Variants in SALL4 observed in about 807,000 individuals in gnomAD.
The protein encoded by SALL4 is spalt like transcription factor 4.
In SALL4, 4 loss-of-function variants were observed where a neutral mutation model predicts 60.8. That is an observed-to-expected ratio of 0.07 (90% CI 0.03 to 0.15). SALL4 has a LOEUF of 0.15. Ranked by LOEUF, SALL4 falls within the 10% of genes least tolerant of loss-of-function variation. The pLI, the probability that SALL4 is intolerant of heterozygous loss-of-function variation, is 1.00. For synonymous variants in SALL4, 580 were observed against 574.9 expected, an observed-to-expected ratio of 1.01 and a Z score of -0.13; for missense variants, 1,178 against 1,394.7, an observed-to-expected ratio of 0.84 and a Z score of 2.48.
chr20:51,802,212 G>T, intron 1 of SALL4, 67 bp downstream of exon 1: 1 of 1,507,938 alleles, frequency 6.6e-7, no homozygotes, highest in Non-Finnish European at 8.8e-7. Context: ...CGAAGCCTGC[G>T]CCCTCGAGGA....
At position 51,788,830 on chromosome 20, in the gene SALL4, C is replaced by G. The variant is rs1366852889; in HGVS notation, c.2742+31G>C. On this transcript the variant is annotated intron_variant, in intron 3 of 3. Transcript: ENST00000217086. This position sits in a 1 kb window ranked among gnomAD's most constrained non-coding sequence, Gnocchi z 4.1. ...ATAAGAAGACACCTGGTGCCTAGCC[C>G]CCATCCTGCTGAAAGCCCACACAAA... 1 of 1,612,346 alleles carries G rather than the reference C, an allele frequency of 6.2e-7. No homozygotes were observed. Among genetic ancestry groups the G allele is most frequent in the East Asian group, 2.2e-5 (1 of 44,884 alleles).
chr20:51,796,763 G>A (rs36050705), intron 1 of SALL4, among the ~76,000 whole-genome samples: 7 of 152,160 alleles, frequency 4.6e-5, no homozygotes, highest in East Asian at 1.9e-4. Context: ...CTTCTAGAGC[G>A]GAGTTTCTCC....
chr20:51,790,656 C>T lies in SALL4; in HGVS notation c.1827G>A (p.Leu609=). ...TTCGGTGAACCCCAAGGTGTGTCTT[C>T]AGGTTACCTTTGGTAGAAAAGGCTC... The part of the protein sequence containing the change: ...CGRAFSTKGN[L]KTHLGVHRTN... The change falls in exon 2 of 4, where the codon CTG becomes CTA. Residue 609 remains leucine (L), a synonymous_variant. Transcript: ENST00000217086. The surrounding 1 kb of genome is among the most constrained non-coding windows in gnomAD (Gnocchi z 5.5). 6.2e-7 allele frequency: 1 copy of T among 1,614,140 alleles called. No individual in the cohort carries two copies. The highest frequency in any genetic ancestry group is 1.1e-5 in the South Asian group (1 of 91,088).
chr20:51,793,542 C>T (rs1409137648), intron 1 of SALL4, among the ~76,000 whole-genome samples: 2 of 152,126 alleles, frequency 1.3e-5, no homozygotes, highest in African/African-American at 2.4e-5. Context: ...CTGTAACCTC[C>T]GCCTCCTGGA....
At chr20:51,796,470 C>A (rs755082148) in intron 1 of SALL4, among the ~76,000 whole-genome samples, 1 of 152,190 alleles carries the variant, frequency 6.6e-6, no homozygotes, top group Non-Finnish European at 1.5e-5. Flanking sequence ...TTGTTTTAAG[C>A]TCATCAGCTA....
At position 51,801,649 on chromosome 20, in the gene SALL4, T is replaced by G. The variant is rs2078110562; in HGVS notation, c.130+630A>C. On this transcript the variant is annotated intron_variant, in intron 1 of 3. Transcript: ENST00000217086. The surrounding 1 kb of genome is among the most constrained non-coding windows in gnomAD (Gnocchi z 5.2). ...AATTTTAAAGGGAAACATTGAGCCC[T>G]CCTCCCCCACCTCTCTGGGCCCTCC... is the stretch of plus-strand genomic sequence containing the variant. The G allele has an allele frequency of 6.6e-6, 1 of 152,442 alleles. No individual in the cohort carries two copies. The highest frequency in any genetic ancestry group is 2.1e-4 in the South Asian group (1 of 4,828). The allele number at this position is 152,442 out of a possible 1,614,324, so 9.4% of individuals were successfully genotyped here.
At position 51,791,389 on chromosome 20, in the gene SALL4, T is replaced by G; in HGVS notation, c.1094A>C (p.Asn365Thr). 1 of 1,614,218 alleles carries G rather than the reference T, an allele frequency of 6.2e-7. No homozygotes were observed. Residue 365 changes from asparagine to threonine, a missense_variant, in exon 2 of 4, where the codon AAC (asparagine) becomes ACC (threonine). By Grantham distance (65) the Asn-to-Thr change is moderately conservative. Coordinates refer to ENST00000217086, the MANE Select transcript of SALL4 (RefSeq NM_020436.5). The surrounding 1 kb of genome is among the most constrained non-coding windows in gnomAD (Gnocchi z 4.6). ...GGGTTTGACATCCACCGCGGAGATG[T>G]TCGGTGGCTTCCCCTTCCCTTTCTT... is the stretch of plus-strand genomic sequence containing the variant. ...TSKKGKGKPPNISAVDVKPKD... is the reference protein window; with the variant it reads ...TSKKGKGKPPTISAVDVKPKD...
In SALL4 at chr20:51,791,041, G is replaced by T; in HGVS notation, c.1442C>A (p.Thr481Asn). 2 of 1,614,170 alleles carry T rather than the reference G, an allele frequency of 1.2e-6. No homozygotes were observed. The highest frequency in any genetic ancestry group is 1.7e-6 in the Non-Finnish European group (2 of 1,180,030). ...AAGATTCTGAGGTAGCCCTACAGAG[G>T]TGGTTACAAGGACAGGTTTGCTGTC... ...SLDSKPVLVTTSVGLPQNLSS... is the reference protein window; with the variant it reads ...SLDSKPVLVTNSVGLPQNLSS... Residue 481 changes from threonine (T) to asparagine (N), a missense_variant, in exon 2 of 4, where the codon ACC (threonine) becomes AAC (asparagine). Coordinates refer to ENST00000217086, the MANE Select transcript of SALL4 (RefSeq NM_020436.5). The surrounding 1 kb of genome is among the most constrained non-coding windows in gnomAD (Gnocchi z 4.6).
intron 1 of SALL4, among the ~76,000 whole-genome samples, chr20:51,795,934 C>T (rs1472893314): frequency 2.0e-5 from 3 of 152,128 alleles, no homozygotes; most frequent in African/African-American, 7.2e-5. Flanking sequence ...GTGGCTCACA[C>T]CTGTAATCCC....
intron 1 of SALL4, among the ~76,000 whole-genome samples, chr20:51,793,509 T>C (rs2078062288): frequency 6.6e-6 from 1 of 151,818 alleles, no homozygotes; most frequent in South Asian, 2.1e-4. Flanking sequence ...AGGGCTGGAG[T>C]GCAGTGGCCC....
rs1330650182 is a variant in SALL4 at position 51,802,302 on chromosome 20, G to C, written c.107C>G (p.Ala36Gly). ...ACCCAGCTCCCCCGCCGCGGGCGCC[G>C]CTGGGGCCGCATCTGCAAACTCCGG... The part of the protein sequence containing the change: ...QTPEFADAAP[A>G]APAAGELGAP... Residue 36 changes from alanine to glycine, a missense_variant, in exon 1 of 4, where the codon GCG becomes GGG. Physicochemically the swap from Ala to Gly is moderately conservative, Grantham distance 60. This residue lies in a region of SALL4 where 108 missense variants were observed against 95.7 expected (regional missense o/e 1.13). Coordinates refer to ENST00000217086, the MANE Select transcript of SALL4 (RefSeq NM_020436.5). 1 of 1,607,676 alleles carries C rather than the reference G, an allele frequency of 6.2e-7. No homozygotes were observed. The highest frequency in any genetic ancestry group is 2.2e-5 in the East Asian group (1 of 44,760).
At chr20:51,795,614 T>G (rs992200376) in intron 1 of SALL4, among the ~76,000 whole-genome samples, 8 of 152,140 alleles carry the variant, frequency 5.3e-5, no homozygotes, top group African/African-American at 1.9e-4. Context: ...TGTTAAGAAG[T>G]GAAACTTTTT....
At position 51,790,375 on chromosome 20, in the gene SALL4, C is replaced by T. The variant is rs2078027508; in HGVS notation, c.2108G>A (p.Ser703Asn). Reference protein sequence around the residue: ...VEEVSSQEAPSSSSKVPTPLP... With the variant: ...VEEVSSQEAPNSSSKVPTPLP... Reference sequence around the variant, plus strand: ...AGGCGTGGGGACCTTGGAGGAGCTGCTGGGAGCCTCCTGGGAGCTGACTTC... The same window carrying T: ...AGGCGTGGGGACCTTGGAGGAGCTGTTGGGAGCCTCCTGGGAGCTGACTTC... Residue 703 changes from serine to asparagine, a missense_variant, in exon 2 of 4, where the codon AGC becomes AAC. By Grantham distance (46) the Ser-to-Asn change is conservative. Coordinates refer to ENST00000217086, the MANE Select transcript of SALL4 (RefSeq NM_020436.5). This position sits in a 1 kb window ranked among gnomAD's most constrained non-coding sequence, Gnocchi z 5.5. 6.2e-7 allele frequency: 1 copy of T among 1,614,014 alleles called. No individual in the cohort carries two copies. The highest frequency in any genetic ancestry group is 1.3e-5 in the African/African-American group (1 of 74,922).
Position 51,784,237 on chromosome 20 carries a change from G to C in SALL4, c.*28C>G. On this transcript the variant is annotated 3_prime_UTR_variant, in exon 4 of 4. Coordinates refer to ENST00000217086, the MANE Select transcript of SALL4 (RefSeq NM_020436.5). ...AGATTCTAGAGATTTCACTGTGTCT[G>C]CATTGCTCCTTCCACGCAAGTTCTC... 6.2e-7 allele frequency: 1 copy of C among 1,611,106 alleles called. No homozygotes were observed. The highest frequency in any genetic ancestry group is 8.5e-7 in the Non-Finnish European group (1 of 1,178,582).
intron 2 of SALL4, 117 bp from the exon 3 acceptor site, chr20:51,789,258 C>T: frequency 8.6e-7 from 1 of 1,156,966 alleles, no homozygotes; most frequent in Non-Finnish European, 1.2e-6. Flanking sequence ...CTGGAGCTGG[C>T]TTTGTAAGTA....
Position 51,802,484 on chromosome 20 carries a change from T to A in SALL4, c.-76A>T. 6.2e-7 allele frequency: 1 copy of A among 1,605,142 alleles called. No homozygotes were observed. Among genetic ancestry groups the A allele is most frequent in the Non-Finnish European group, 8.5e-7 (1 of 1,176,276 alleles). On this transcript the variant is annotated 5_prime_UTR_variant, in exon 1 of 4. The change abolishes the stop of an existing upstream ORF in the 5' untranslated region. Transcript: ENST00000217086. ...CACAAATTCCTGGAGTTGGGAAATTTACCCCCCTTCGGCCGGAACGCGCAT... is the reference window on the plus strand; with the variant it reads ...CACAAATTCCTGGAGTTGGGAAATTAACCCCCCTTCGGCCGGAACGCGCAT...
chr20:51,799,078 GCA>G (rs2078095592), intron 1 of SALL4, among the ~76,000 whole-genome samples: 1 of 152,178 alleles, frequency 6.6e-6, no homozygotes, highest in Non-Finnish European at 1.5e-5. Flanking sequence ...CTGGCAGGCA[GCA>G]CACTGCCATT....
rs948115070 is a variant in SALL4, at chr20:51,782,511, G to A, written c.*1754C>T. On this transcript the variant is annotated 3_prime_UTR_variant, in exon 4 of 4. Transcript: ENST00000217086. ...CACAGTGTAAACAGGTACTATTATC[G>A]TGTTCACTTACAATTCCAGAAGGAA... 3.2e-5 allele frequency: 4 copies of A among 126,154 alleles called. No homozygotes were observed. Among genetic ancestry groups the A allele is most frequent in the Non-Finnish European group, 6.2e-5 (4 of 64,728 alleles). The allele number at this position is 126,154 out of a possible 1,614,324, so 7.8% of individuals were successfully genotyped here. A position where few individuals can be genotyped will look rare whatever the true frequency, so the allele number is the denominator to read the frequency against.
In SALL4 at chr20:51,782,880, A is replaced by ACACT; in HGVS notation, c.*1384_*1385insAGTG. The ACACT allele has an allele frequency of 6.6e-6, 1 of 152,204 alleles. No individual in the cohort carries two copies. The highest frequency in any genetic ancestry group is 1.9e-4 in the East Asian group (1 of 5,202). The allele number at this position is 152,204 out of a possible 1,614,324, so 9.4% of individuals were successfully genotyped here. The stretch of plus-strand genomic sequence containing the variant: ...CCTGGGAATACTTCAGCGGTCTTAA[A>ACACT]ATAGGAAAATAGACACTATGGCTAC... On this transcript the variant is annotated 3_prime_UTR_variant, in exon 4 of 4. Coordinates refer to ENST00000217086, the MANE Select transcript of SALL4 (RefSeq NM_020436.5).
Sources: allele counts gnomAD v4.1 joint callset (sites outside exome capture counted in the v4.1 genomes callset), GRCh38; gene constraint gnomAD v4.1.1; regional missense constraint gnomAD v4.1.1; non-coding constraint Gnocchi (gnomAD v3.1); transcripts MANE v1.5; gene names NCBI Gene and HGNC (gene_info 2026-07-23, HGNC 2026-07-21).